Variants in UBE2W observed in about 807,000 individuals in gnomAD.
UBE2W encodes the protein ubiquitin conjugating enzyme E2 W.
A neutral mutation model predicts 27.2 loss-of-function variants in UBE2W; 18 were observed. The ratio of observed to expected loss-of-function variants is 0.66; its 90% confidence interval spans 0.46 to 0.98. The LOEUF (loss-of-function observed/expected upper bound fraction) is 0.98. Among genes scored for constraint, UBE2W ranks in the 50% least tolerant of loss-of-function variants. The pLI, the probability that UBE2W is intolerant of heterozygous loss-of-function variation, is 0.00. For missense variants in UBE2W, 90 were observed against 180.2 expected, an observed-to-expected ratio of 0.50 and a Z score of 2.87; for synonymous variants, 53 against 57.2, an observed-to-expected ratio of 0.93 and a Z score of 0.33.
chr8:73,817,518 G>T (rs1331679905), intron 3 of UBE2W, among the ~76,000 whole-genome samples: 4 of 151,572 alleles, frequency 2.6e-5, no homozygotes, highest in Non-Finnish European at 5.9e-5. Context: ...GACTTCAGAG[G>T]TTTTTTTTGT....
chr8:73,853,094 G>A (rs753412845), intron 1 of UBE2W, among the ~76,000 whole-genome samples: 11 of 152,152 alleles, frequency 7.2e-5, no homozygotes, highest in Non-Finnish European at 1.3e-4. Flanking sequence ...GTGCCTATAA[G>A]AAGGCAGAGA....
At chr8:73,795,741 A>G (rs1808383749) in intron 5 of UBE2W, 1 of 957,656 alleles carries the variant, frequency 1.0e-6, no homozygotes, top group African/African-American at 1.8e-5. Context: ...ATAAATAAGA[A>G]TAGTATCTTT....
chr8:73,843,850 G>A (rs966143103), intron 1 of UBE2W, among the ~76,000 whole-genome samples: 2 of 151,496 alleles, frequency 1.3e-5, no homozygotes, highest in Admixed American at 6.6e-5. Context: ...ATAATAATGT[G>A]TGGTGGTGCA....
intron 1 of UBE2W, among the ~76,000 whole-genome samples, chr8:73,863,929 C>CAACAAAA (rs1006309199): frequency 8.2e-6 from 1 of 122,372 alleles, no homozygotes; most frequent in African/African-American, 3.3e-5. Flanking sequence ...AAAACAACAA[C>CAACAAAA]AACAAAAAAC....
intron 1 of UBE2W, among the ~76,000 whole-genome samples, chr8:73,832,639 T>A (rs1810122094): frequency 6.6e-6 from 1 of 152,186 alleles, no homozygotes; most frequent in Non-Finnish European, 1.5e-5. Flanking sequence ...GTAGGTCGAG[T>A]AGCCATTATC....
At chr8:73,865,595 G>C (rs920305376) in intron 1 of UBE2W, among the ~76,000 whole-genome samples, 3 of 152,176 alleles carry the variant, frequency 2.0e-5, no homozygotes, top group African/African-American at 7.2e-5. Flanking sequence ...GCCTGGGTGA[G>C]AGTGAAACCT....
rs1325027358 is a variant in UBE2W, at chr8:73,863,162, A to C, written c.15+15646T>G. ...ATTGCGGCATTATTCACAATAGCAA[A>C]GACGTGGAACCAACCCAAATGTCCA... On this transcript the variant is annotated intron_variant, in intron 1 of 5. Coordinates refer to ENST00000602593, the MANE Select transcript of UBE2W (RefSeq NM_018299.6). Among the ~76,000 whole-genome samples, 168 of 143,990 alleles carry C rather than the reference A, an allele frequency of 1.2e-3. 8 individuals carry two copies. Among genetic ancestry groups the C allele is most frequent in the African/African-American group, 3.5e-3 (120 of 33,876 alleles). 94.5% of individuals were successfully genotyped at this position (143,990 alleles called of 152,430 possible). A position where few individuals can be genotyped will look rare whatever the true frequency, so the allele number is the denominator to read the frequency against.
intron 1 of UBE2W, among the ~76,000 whole-genome samples, chr8:73,835,086 T>C (rs1810252592): frequency 6.6e-6 from 1 of 152,112 alleles, no homozygotes; most frequent in African/African-American, 2.4e-5. Context: ...TAATCCTTCT[T>C]AGTAGGAGAA....
At chr8:73,874,481 A>G (rs936088550) in intron 1 of UBE2W, among the ~76,000 whole-genome samples, 3 of 152,184 alleles carry the variant, frequency 2.0e-5, no homozygotes, top group Admixed American at 6.5e-5. Context: ...AACAACAACA[A>G]AAAATTCAAT....
intron 3 of UBE2W, among the ~76,000 whole-genome samples, chr8:73,811,659 A>G (rs7014318): frequency 0.12 from 17,506 of 152,138 alleles, 3,233 homozygotes; most frequent in African/African-American, 0.39. Context: ...TAGTAAGTAT[A>G]ATTAGATTTT....
At chr8:73,850,961 G>A (rs1811052669) in intron 1 of UBE2W, among the ~76,000 whole-genome samples, 2 of 151,884 alleles carry the variant, frequency 1.3e-5, no homozygotes, top group South Asian at 2.1e-4. Flanking sequence ...CTGGGCTCAG[G>A]TAATCTTCCC....
At chr8:73,846,215 G>C (rs1810791176) in intron 1 of UBE2W, among the ~76,000 whole-genome samples, 1 of 151,976 alleles carries the variant, frequency 6.6e-6, no homozygotes, top group South Asian at 2.1e-4. Flanking sequence ...TGACCAACAT[G>C]GTGAAACCTC....
Position 73,790,607 on chromosome 8 carries a change from A to G in UBE2W, c.*3495T>C, listed in dbSNP as rs956765272. On this transcript the variant is annotated 3_prime_UTR_variant, in exon 6 of 6. Transcript: ENST00000602593. Reference sequence around the variant, plus strand: ...TAAGCAGCAGTAACCATAAAGGCTTAGAACTAGTGACACTGAATTCTTTAT... The same window carrying G: ...TAAGCAGCAGTAACCATAAAGGCTTGGAACTAGTGACACTGAATTCTTTAT... 2 of 985,012 alleles carry G rather than the reference A, an allele frequency of 2.0e-6. No homozygotes were observed. The highest frequency in any genetic ancestry group is 1.2e-4 in the Admixed American group (2 of 16,258). 61.0% of individuals were successfully genotyped at this position (985,012 alleles called of 1,614,324 possible).
At chr8:73,877,332 T>C (rs780344532) in intron 1 of UBE2W, among the ~76,000 whole-genome samples, 7 of 152,226 alleles carry the variant, frequency 4.6e-5, no homozygotes, top group Non-Finnish European at 1.0e-4. Flanking sequence ...GTATAATGTT[T>C]CCTGAAATTG....
intron 1 of UBE2W, among the ~76,000 whole-genome samples, chr8:73,845,904 A>C (rs1451762397): frequency 6.6e-6 from 1 of 152,204 alleles, no homozygotes; most frequent in Non-Finnish European, 1.5e-5. Flanking sequence ...TTTAAAAAAA[A>C]ATGGATGAAA....
intron 1 of UBE2W, among the ~76,000 whole-genome samples, chr8:73,863,093 A>T (rs1811594755): frequency 2.9e-5 from 4 of 137,490 alleles, no homozygotes; most frequent in Admixed American, 2.1e-4. Context: ...TACCCAAATG[A>T]CTATAAATCA....
chr8:73,831,263 C>A, intron 1 of UBE2W: 1 of 278,122 alleles, frequency 3.6e-6, no homozygotes, highest in South Asian at 4.6e-5. Context: ...AAAAGATATT[C>A]AATGAAGAAA....
chr8:73,854,877 G>A (rs1320803791), intron 1 of UBE2W, among the ~76,000 whole-genome samples: 2 of 152,162 alleles, frequency 1.3e-5, no homozygotes, highest in Admixed American at 1.3e-4. Flanking sequence ...ATTATATACT[G>A]CATTCTTACA....
Position 73,790,380 on chromosome 8 carries a change from T to C in UBE2W, c.*3722A>G, listed in dbSNP as rs1048830862. The stretch of plus-strand genomic sequence containing the variant: ...ACACCTTCTTCACAGACCTCAATCA[T>C]GCACAGGCAGTAACGGCATTACTAT... On this transcript the variant is annotated 3_prime_UTR_variant, in exon 6 of 6. Transcript: ENST00000602593. 3 of 985,334 alleles carry C rather than the reference T, an allele frequency of 3.0e-6. No homozygotes were observed. Among genetic ancestry groups the C allele is most frequent in the Non-Finnish European group, 3.6e-6 (3 of 829,948 alleles). 61.0% of individuals were successfully genotyped at this position (985,334 alleles called of 1,614,324 possible). A position where few individuals can be genotyped will look rare whatever the true frequency, so the allele number is the denominator to read the frequency against.
Sources: allele counts gnomAD v4.1 joint callset (sites outside exome capture counted in the v4.1 genomes callset), GRCh38; gene constraint gnomAD v4.1.1; transcripts MANE v1.5; gene names NCBI Gene and HGNC (gene_info 2026-07-23, HGNC 2026-07-21).